FBXW11: variants seen among roughly 807,000 people sequenced by gnomAD.
The protein encoded by FBXW11 is F-box/WD repeat-containing protein 11.
FBXW11 carries 19 observed loss-of-function variants against 77.6 expected under a neutral mutation model. The ratio of observed to expected loss-of-function variants is 0.24; its 90% CI spans 0.17 to 0.36. The LOEUF is 0.36. Among genes scored for constraint, FBXW11 ranks in the 10% least tolerant of loss-of-function variants. FBXW11 has a pLI of 1.00. For missense variants in FBXW11, 334 were observed against 704.2 expected, an observed-to-expected ratio of 0.47 and a Z score of 5.95; for synonymous variants, 235 against 249.4, an observed-to-expected ratio of 0.94 and a Z score of 0.54.
Position 171,916,184 on chromosome 5 carries a change from C to T in FBXW11, c.148-1779G>A, listed in dbSNP as rs551724176. Among the ~76,000 whole-genome samples, 4 of 144,156 alleles carry T rather than the reference C, an allele frequency of 2.8e-5. No individual in the cohort carries two copies. In the East Asian group the frequency reaches 8.2e-4, roughly 30 times the overall value. The allele number at this position is 144,156 out of a possible 152,430, so 94.6% of individuals were successfully genotyped here. On this transcript the variant is annotated intron_variant, in intron 2 of 13. Coordinates refer to ENST00000517395, the MANE Select transcript of FBXW11 (RefSeq NM_001378974.1). ...AGCATACCAACATGGCACATGTATA[C>T]ATATGTAACAAACCTGCACATTGTG...
intron 1 of FBXW11, among the ~76,000 whole-genome samples, chr5:171,980,468 C>T (rs1472681228): frequency 1.3e-5 from 2 of 152,038 alleles, no homozygotes; most frequent in African/African-American, 2.4e-5. Flanking sequence ...CTGCAATATA[C>T]GCATCTGACA....
chr5:171,965,776 T>A (rs1001810905), intron 1 of FBXW11, among the ~76,000 whole-genome samples: 7 of 152,160 alleles, frequency 4.6e-5, no homozygotes, highest in Admixed American at 1.3e-4. Context: ...AATTTTTTTT[T>A]AATGGGGCAG....
In FBXW11 at chr5:171,900,051, G is replaced by C; in HGVS notation, c.486C>G (p.Ala162=). The change falls in exon 5 of 14, where the codon GCC becomes GCG. Residue 162 remains alanine, a synonymous_variant. Transcript: ENST00000517395. ...IAENILSYLD[A]RSLCAAELVC... The stretch of plus-strand genomic sequence containing the variant: ...CCAGCTCTGCTGCACACAGAGACCT[G>C]GCATCCAGGTACGAAAGAATGTTTT... The C allele has an allele frequency of 6.2e-7, 1 of 1,613,498 alleles. No homozygotes were observed. The highest frequency in any genetic ancestry group is 8.5e-7 in the Non-Finnish European group (1 of 1,179,626).
At chr5:171,872,769 A>G (rs1383337227) in intron 10 of FBXW11, 103 bp downstream of exon 10, 8 of 812,698 alleles carry the variant, frequency 9.8e-6, no homozygotes, top group African/African-American at 1.7e-5. Context: ...CTTATCTGAA[A>G]CATCCCATTT....
intron 1 of FBXW11, among the ~76,000 whole-genome samples, chr5:172,005,926 C>T (rs570397300): frequency 2.0e-5 from 3 of 152,120 alleles, no homozygotes; most frequent in Non-Finnish European, 4.4e-5. Context: ...TCCCTGCCCC[C>T]CCAGCTCTGT....
chr5:171,891,584 C>T lies in FBXW11; in HGVS notation c.735G>A (p.Arg245=), dbSNP rs779901224. Reference sequence around the variant, plus strand: ...TCCTCTGCAAGTTGTGTCGTCCACACCGCCAGTTAGATTCTATAGTCTAGG... The same window carrying T: ...TCCTCTGCAAGTTGTGTCGTCCACATCGCCAGTTAGATTCTATAGTCTAGG... ...QDIETIESNW[R]CGRHNLQRIQ... The change falls in exon 7 of 14, where the codon CGG becomes CGA. Residue 245 remains arginine, a synonymous_variant. Coordinates refer to ENST00000517395, the MANE Select transcript of FBXW11 (RefSeq NM_001378974.1). 3 of 1,610,174 alleles carry T rather than the reference C, an allele frequency of 1.9e-6. No individual in the cohort carries two copies. The highest frequency in any genetic ancestry group is 4.5e-5 in the East Asian group (2 of 44,702).
At chr5:171,977,623 T>G (rs1007901090) in intron 1 of FBXW11, 2 of 451,164 alleles carry the variant, frequency 4.4e-6, no homozygotes, top group Non-Finnish European at 4.4e-6. Flanking sequence ...GAAAGAAGTT[T>G]AACTGGACTT....
At chr5:171,878,550 A>C (rs565617993) in intron 7 of FBXW11, among the ~76,000 whole-genome samples, 8 of 116,958 alleles carry the variant, frequency 6.8e-5, no homozygotes, top group African/African-American at 3.6e-4. Flanking sequence ...CAATCTCCAT[A>C]AGAGTGTGTG....
chr5:171,892,512 C>T (rs1759422431), intron 6 of FBXW11, among the ~76,000 whole-genome samples: 1 of 152,228 alleles, frequency 6.6e-6, no homozygotes, highest in African/African-American at 2.4e-5. Context: ...GGGCCTGCCT[C>T]TTGCGGCAGT....
At chr5:171,896,599 ACT>A (rs1011977490) in intron 6 of FBXW11, among the ~76,000 whole-genome samples, 2 of 151,682 alleles carry the variant, frequency 1.3e-5, no homozygotes, top group African/African-American at 4.8e-5. Flanking sequence ...ACAAACAACA[ACT>A]CTCAGCCTGG....
At chr5:171,885,668 T>C (rs893800709) in intron 7 of FBXW11, among the ~76,000 whole-genome samples, 1 of 152,242 alleles carries the variant, frequency 6.6e-6, no homozygotes, top group Non-Finnish European at 1.5e-5. Flanking sequence ...ATATTGTTGA[T>C]ATTTAATGGG....
At chr5:171,920,492 G>A (rs1360258915) in intron 2 of FBXW11, among the ~76,000 whole-genome samples, 10 of 151,102 alleles carry the variant, frequency 6.6e-5, no homozygotes, top group East Asian at 1.9e-4. Flanking sequence ...TTTGGAGGCC[G>A]AGGGAGGAGG....
At chr5:171,874,093 G>C (rs539716018) in intron 9 of FBXW11, among the ~76,000 whole-genome samples, 1 of 152,162 alleles carries the variant, frequency 6.6e-6, no homozygotes, top group Non-Finnish European at 1.5e-5. Flanking sequence ...CACAGAAAGG[G>C]AGAAAATATT....
intron 6 of FBXW11, among the ~76,000 whole-genome samples, chr5:171,894,885 C>T (rs1379170284): frequency 6.6e-6 from 1 of 152,076 alleles, no homozygotes; most frequent in Non-Finnish European, 1.5e-5. Context: ...CATTATGGTG[C>T]CAGCAAATGG....
At chr5:171,967,456 C>A (rs908180236) in intron 1 of FBXW11, among the ~76,000 whole-genome samples, 1 of 152,104 alleles carries the variant, frequency 6.6e-6, no homozygotes, top group African/African-American at 2.4e-5. Context: ...AAGAAAGTTA[C>A]AATACACGGA....
At chr5:171,891,303 G>A (rs112566718) in intron 7 of FBXW11, among the ~76,000 whole-genome samples, 164 bp downstream of exon 7, 11 of 151,996 alleles carry the variant, frequency 7.2e-5, no homozygotes, top group African/African-American at 1.2e-4. Context: ...TATTAGTTTC[G>A]GGGAAATGCT....
At chr5:171,979,640 T>C (rs1439943182) in intron 1 of FBXW11, among the ~76,000 whole-genome samples, 1 of 152,204 alleles carries the variant, frequency 6.6e-6, no homozygotes, top group African/African-American at 2.4e-5. Flanking sequence ...AAACGAACTT[T>C]GATCCCTACC....
At chr5:171,870,312 G>T (rs1757677027) in intron 11 of FBXW11, among the ~76,000 whole-genome samples, 1 of 152,104 alleles carries the variant, frequency 6.6e-6, no homozygotes, top group Non-Finnish European at 1.5e-5. Flanking sequence ...AAAATGTAGT[G>T]AGGTGTTTTA....
In FBXW11 at chr5:171,872,882, T is replaced by C. The variant is rs1757842721; in HGVS notation, c.1330A>G (p.Asn444Asp). 6.2e-7 allele frequency: 1 copy of C among 1,613,282 alleles called. No individual in the cohort carries two copies. The highest frequency in any genetic ancestry group is 1.3e-5 in the African/African-American group (1 of 74,902). The stretch of plus-strand genomic sequence containing the variant: ...CCAACTTCTACCCACCTAATGGTAT[T>C]ATCTGATGATCCACTAACAACCAGG... ...DRLVVSGSSD[N>D]TIRLWDIECG... Residue 444 changes from asparagine (N) to aspartate (D), a missense_variant, in exon 10 of 14, where the codon AAT (asparagine) becomes GAT (aspartate). Asn to Asp is a conservative substitution (Grantham distance 23). Coordinates refer to ENST00000517395, the MANE Select transcript of FBXW11 (RefSeq NM_001378974.1).
Sources: gnomAD v4.1 joint callset for allele counts (sites outside exome capture counted in the v4.1 genomes callset) on GRCh38, gnomAD v4.1.1 for gene constraint, MANE v1.5 for transcripts, NCBI Gene and HGNC (gene_info 2026-07-23, HGNC 2026-07-21) for gene names.